Variants in HPCAL1 observed in about 807,000 individuals in gnomAD.
HPCAL1 encodes the protein hippocalcin-like protein 1.
HPCAL1 carries 8 observed loss-of-function variants against 17.1 expected under a neutral mutation model. That is an observed-to-expected ratio of 0.47 (90% CI 0.27 to 0.84). HPCAL1 has a LOEUF of 0.84. Among genes scored for constraint, HPCAL1 ranks in the 40% least tolerant of loss-of-function variants. HPCAL1 has a pLI of 0.13. For missense variants in HPCAL1, 165 were observed against 271.1 expected, an observed-to-expected ratio of 0.61 and a Z score of 2.75; for synonymous variants, 112 against 111.4, an observed-to-expected ratio of 1.01 and a Z score of -0.03.
At chr2:10,337,265 C>T (rs1158683942) in intron 1 of HPCAL1, among the ~76,000 whole-genome samples, 2 of 152,166 alleles carry the variant, frequency 1.3e-5, no homozygotes, top group African/African-American at 2.4e-5. Context: ...TTGCCTCCCC[C>T]TCCTTTCGTG....
At chr2:10,321,324 G>A (rs1450742054) in intron 1 of HPCAL1, among the ~76,000 whole-genome samples, 5 of 151,934 alleles carry the variant, frequency 3.3e-5, no homozygotes, top group South Asian at 2.1e-4. Context: ...TGATCCAGTC[G>A]TCTCCCACCA....
chr2:10,341,636 C>T (rs955577229), intron 1 of HPCAL1, among the ~76,000 whole-genome samples: 10 of 151,998 alleles, frequency 6.6e-5, no homozygotes, highest in African/African-American at 2.4e-4. Flanking sequence ...AACCTAAACA[C>T]GAGCCGTGGG....
In HPCAL1 at chr2:10,419,055, C is replaced by CA. The variant is rs34771231; in HGVS notation, c.-24-673dup. ...TGAAACCCTGTCTCTACTAAAAATA[C>CA]AAAAAATTAGCTGGGCGCGGTGGTG... On this transcript the variant is annotated intron_variant, in intron 2 of 4. Transcript: ENST00000307845. The surrounding 1 kb of genome is among the most constrained non-coding windows in gnomAD (Gnocchi z 5.0). Among the ~76,000 whole-genome samples, 15,167 of 151,788 alleles carry CA rather than the reference C, an allele frequency of 0.1. 2,506 individuals carry two copies. The highest frequency in any genetic ancestry group is 0.35 in the African/African-American group (14,275 of 41,280).
chr2:10,308,589 G>A (rs1265012296), intron 1 of HPCAL1, among the ~76,000 whole-genome samples: 1 of 152,112 alleles, frequency 6.6e-6, no homozygotes. Flanking sequence ...CAGCACCGAC[G>A]AAGTGAGCTG....
rs2125573938 is a variant in HPCAL1, at chr2:10,396,164, A to G, written c.-110-671A>G. Among the ~76,000 whole-genome samples, 5 of 152,286 alleles carry G rather than the reference A, an allele frequency of 3.3e-5. No individual in the cohort carries two copies. The South Asian group carries it at 8.3e-4, about 25-fold the overall frequency. ...AGTCTCTGGATGGTTTTCTGAGCTGAGCTGCGGGCTGAATGTCAGGTGATG... is the reference window on the plus strand; with the variant it reads ...AGTCTCTGGATGGTTTTCTGAGCTGGGCTGCGGGCTGAATGTCAGGTGATG... On this transcript the variant is annotated intron_variant, in intron 1 of 4. Coordinates refer to ENST00000307845, the MANE Select transcript of HPCAL1 (RefSeq NM_002149.4).
chr2:10,422,886 C>A, intron 3 of HPCAL1, 97 bp from the exon 4 acceptor site: 1 of 824,498 alleles, frequency 1.2e-6, no homozygotes, highest in African/African-American at 1.7e-5. Context: ...CCCCTGACCT[C>A]TCCGAGCCTT....
rs1662370107 is a variant in HPCAL1 at position 10,303,092 on chromosome 2, G to T, written c.-196G>T. 1 of 151,810 alleles carries T rather than the reference G, an allele frequency of 6.6e-6. No homozygotes were observed. Among genetic ancestry groups the T allele is most frequent in the South Asian group, 2.1e-4 (1 of 4,828 alleles). 9.4% of individuals were successfully genotyped at this position (151,810 alleles called of 1,614,324 possible). A position where few individuals can be genotyped will look rare whatever the true frequency, so the allele number is the denominator to read the frequency against. On this transcript the variant is annotated 5_prime_UTR_variant, in exon 1 of 5. Transcript: ENST00000307845. The stretch of plus-strand genomic sequence containing the variant: ...CTCCCGGCCTCGGCGCGCTTGTCCC[G>T]GGCAGCGGCCCGGGCCCGCTGCAGC...
intron 1 of HPCAL1, among the ~76,000 whole-genome samples, chr2:10,389,358 G>A (rs761487023): frequency 4.6e-5 from 7 of 152,186 alleles, no homozygotes; most frequent in Non-Finnish European, 7.3e-5. Context: ...CTCTGCTGCC[G>A]CTGGGCACAG....
In HPCAL1 at chr2:10,399,252, A is replaced by G. The variant is rs1558517561; in HGVS notation, c.-25+2332A>G. 2.1e-4 allele frequency among the ~76,000 whole-genome samples: 31 copies of G among 148,144 alleles called. 2 individuals are homozygous for G. Among genetic ancestry groups the G allele is most frequent in the East Asian group, 5.9e-4 (3 of 5,094 alleles). ...CACCACCACCACCATCACCACCACC[A>G]CCACCACCATCACCACCACCACCAC... On this transcript the variant is annotated intron_variant, in intron 2 of 4. Transcript: ENST00000307845.
rs1231387743 is a variant in HPCAL1 at position 10,426,780 on chromosome 2, C to T, written c.541C>T (p.Arg181Cys). Residue 181 changes from arginine to cysteine, a missense_variant, in exon 5 of 5, where the codon CGC becomes TGC. Arg to Cys is a radical substitution (Grantham distance 180). Transcript: ENST00000307845. ...TGCCAAGAGCGACCCCTCCATCGTC[C>T]GCCTGCTGCAGTGCGACCCCAGCAG... is the stretch of plus-strand genomic sequence containing the variant. ...RGAKSDPSIV[R>C]LLQCDPSSAS... 3.7e-6 allele frequency: 6 copies of T among 1,613,394 alleles called. No individual in the cohort carries two copies. Among genetic ancestry groups the T allele is most frequent in the East Asian group, 4.5e-5 (2 of 44,884 alleles).
Position 10,381,835 on chromosome 2 carries a change from C to A in HPCAL1, c.-110-15000C>A, listed in dbSNP as rs1023980272. On this transcript the variant is annotated intron_variant, in intron 1 of 4. Coordinates refer to ENST00000307845, the MANE Select transcript of HPCAL1 (RefSeq NM_002149.4). ...CTGCTGGTGGGAACGCAAAACAGTA[C>A]AGCCACCTTGGAAGACAGTTTGACA... is the stretch of plus-strand genomic sequence containing the variant. 3.9e-5 allele frequency among the ~76,000 whole-genome samples: 6 copies of A among 152,324 alleles called. No homozygotes were observed. The East Asian group carries it at 1.2e-3, about 29-fold the overall frequency.
rs942981369 is a variant in HPCAL1 at position 10,323,211 on chromosome 2, A to G, written c.-111+20034A>G. The stretch of plus-strand genomic sequence containing the variant: ...CCCCACGGAGTCCCAGCGTGTATGC[A>G]TGGGGTCACGGTGCTCCACGCTCTC... On this transcript the variant is annotated intron_variant, in intron 1 of 4. Coordinates refer to ENST00000307845, the MANE Select transcript of HPCAL1 (RefSeq NM_002149.4). The surrounding 1 kb of genome is among the most constrained non-coding windows in gnomAD (Gnocchi z 4.6). 6.6e-6 allele frequency among the ~76,000 whole-genome samples: 1 copy of G among 152,124 alleles called. No individual in the cohort carries two copies. Among genetic ancestry groups the G allele is most frequent in the East Asian group, 1.9e-4 (1 of 5,186 alleles).
intron 1 of HPCAL1, among the ~76,000 whole-genome samples, 196 bp downstream of exon 1, chr2:10,303,373 A>G (rs532459019): frequency 6.6e-6 from 1 of 152,176 alleles, no homozygotes; most frequent in South Asian, 2.1e-4. Context: ...TGTCTTTCGA[A>G]TGGCGTGTAC....
intron 1 of HPCAL1, among the ~76,000 whole-genome samples, chr2:10,376,736 C>A (rs771937803): frequency 1.3e-5 from 2 of 152,030 alleles, no homozygotes; most frequent in Non-Finnish European, 2.9e-5. Flanking sequence ...TGCCCCCAGC[C>A]TTTATATCTC....
intron 1 of HPCAL1, among the ~76,000 whole-genome samples, chr2:10,311,078 G>A (rs1226324502): frequency 6.6e-6 from 1 of 152,236 alleles, no homozygotes; most frequent in African/African-American, 2.4e-5. Flanking sequence ...CTGGCAGAAT[G>A]AGTGTGGGAT....
intron 1 of HPCAL1, among the ~76,000 whole-genome samples, chr2:10,391,464 T>C (rs1668690288): frequency 6.6e-6 from 1 of 152,224 alleles, no homozygotes; most frequent in Admixed American, 6.5e-5. Context: ...TCACATACCC[T>C]ACCATTTACC....
chr2:10,350,319 C>CTTTT (rs34432791), intron 1 of HPCAL1, among the ~76,000 whole-genome samples: 30 of 130,242 alleles, frequency 2.3e-4, no homozygotes, highest in African/African-American at 8.2e-4. Context: ...AATCTATGTC[C>CTTTT]TTTTTTTTTT....
At chr2:10,361,460 T>C (rs1666521238) in intron 1 of HPCAL1, among the ~76,000 whole-genome samples, 1 of 152,146 alleles carries the variant, frequency 6.6e-6, no homozygotes, top group South Asian at 2.1e-4. Flanking sequence ...TGAGGACTTA[T>C]CTTCTCATTG....
chr2:10,380,920 A>G (rs551101905), intron 1 of HPCAL1, among the ~76,000 whole-genome samples: 44 of 152,240 alleles, frequency 2.9e-4, no homozygotes, highest in Non-Finnish European at 5.4e-4. Flanking sequence ...TAGGAGTCCA[A>G]TTAAGAATGT....
Sources: allele counts gnomAD v4.1 joint callset (sites outside exome capture counted in the v4.1 genomes callset), GRCh38; gene constraint gnomAD v4.1.1; non-coding constraint Gnocchi (gnomAD v3.1); transcripts MANE v1.5; gene names NCBI Gene and HGNC (gene_info 2026-07-23, HGNC 2026-07-21).